HACE1: variants seen among roughly 807,000 people sequenced by gnomAD.
The protein encoded by HACE1 is E3 ubiquitin-protein ligase HACE1.
A neutral mutation model predicts 118.4 loss-of-function variants in HACE1; 73 were observed. The observed-to-expected ratio is 0.62, with a 90% confidence interval of 0.51 to 0.75. The LOEUF is 0.75. HACE1 is among the 30% of genes least tolerant of loss of function. The probability of loss-of-function intolerance (pLI) is 0.00; values close to 1 mark genes in which losing one functional copy is unlikely to be tolerated. For synonymous variants in HACE1, 368 were observed against 374.8 expected, an observed-to-expected ratio of 0.98 and a Z score of 0.21; for missense variants, 749 against 1,102.2, an observed-to-expected ratio of 0.68 and a Z score of 4.54.
chr6:104,752,980 A>T (rs1778221843), intron 19 of HACE1, among the ~76,000 whole-genome samples: 1 of 152,170 alleles, frequency 6.6e-6, no homozygotes, highest in African/African-American at 2.4e-5. Flanking sequence ...ATAAACACTT[A>T]ATTTTTCAGT....
chr6:104,832,980 T>A, intron 6 of HACE1, 62 bp downstream of exon 6: 1 of 1,480,598 alleles, frequency 6.8e-7, no homozygotes, highest in East Asian at 2.3e-5. Flanking sequence ...TGAAAAACTT[T>A]TCATGAAATC....
intron 6 of HACE1, among the ~76,000 whole-genome samples, chr6:104,815,233 G>A (rs1771994559): frequency 7.2e-6 from 1 of 138,098 alleles, no homozygotes; most frequent in African/African-American, 2.9e-5. Flanking sequence ...TGGAGATGAG[G>A]AACTTATTGG....
intron 19 of HACE1, among the ~76,000 whole-genome samples, chr6:104,755,746 C>A (rs576947312): frequency 1.3e-5 from 2 of 152,196 alleles, no homozygotes; most frequent in East Asian, 3.9e-4. Context: ...AACAAAGAGA[C>A]AATGTACCAG....
chr6:104,757,602 A>C (rs1473603440), intron 19 of HACE1, among the ~76,000 whole-genome samples: 1 of 152,214 alleles, frequency 6.6e-6, no homozygotes, highest in African/African-American at 2.4e-5. Context: ...CCAGAGCAGA[A>C]AGGCTGAAAA....
chr6:104,853,932 G>A (rs1399614658), intron 1 of HACE1, among the ~76,000 whole-genome samples: 2 of 152,060 alleles, frequency 1.3e-5, no homozygotes, highest in African/African-American at 2.4e-5. Context: ...GGCACAGTAA[G>A]AGATTAACAA....
At chr6:104,826,145 G>A (rs1773305655) in intron 6 of HACE1, among the ~76,000 whole-genome samples, 1 of 152,172 alleles carries the variant, frequency 6.6e-6, no homozygotes. Context: ...ATCTGAAGTG[G>A]AACAGTTTCA....
rs769454071 is a variant in HACE1 at position 104,729,140 on chromosome 6, T to TA, written c.*521dup. 9.8e-5 allele frequency: 15 copies of TA among 152,796 alleles called. No individual in the cohort carries two copies. Among genetic ancestry groups the TA allele is most frequent in the African/African-American group, 3.6e-4 (15 of 41,448 alleles). The allele number at this position is 152,796 out of a possible 1,614,324, so 9.5% of individuals were successfully genotyped here. A position where few individuals can be genotyped will look rare whatever the true frequency, so the allele number is the denominator to read the frequency against. On this transcript the variant is annotated 3_prime_UTR_variant, in exon 24 of 24. Coordinates refer to ENST00000262903, the MANE Select transcript of HACE1 (RefSeq NM_020771.4). The stretch of plus-strand genomic sequence containing the variant: ...AATATATATTAAAATATTAAAATGC[T>TA]AAAAAAATCATTGCAATATAGAATA...
chr6:104,801,511 G>A (rs536915054), intron 7 of HACE1, among the ~76,000 whole-genome samples: 89 of 152,276 alleles, frequency 5.8e-4, no homozygotes, highest in Non-Finnish European at 4.1e-4. Flanking sequence ...GACTAACAGC[G>A]GATCTCTCGG....
intron 19 of HACE1, among the ~76,000 whole-genome samples, chr6:104,757,704 C>T (rs1181106050): frequency 6.6e-6 from 1 of 152,148 alleles, no homozygotes; most frequent in African/African-American, 2.4e-5. Context: ...GTTTGATGAA[C>T]TGACAGAAGT....
chr6:104,831,604 A>AAGAAT (rs1433127733), intron 6 of HACE1, among the ~76,000 whole-genome samples: 1 of 150,064 alleles, frequency 6.7e-6, no homozygotes, highest in African/African-American at 2.5e-5. Flanking sequence ...AAGAAAAGAA[A>AAGAAT]AGAAAGAGGC....
intron 14 of HACE1, among the ~76,000 whole-genome samples, chr6:104,783,392 T>C (rs1281709309): frequency 1.3e-5 from 2 of 152,222 alleles, no homozygotes; most frequent in Non-Finnish European, 2.9e-5. Flanking sequence ...GGGAAGTAAG[T>C]TTTCTATCTC....
Position 104,850,915 on chromosome 6 carries a change from A to G in HACE1, c.213T>C (p.Ile71=). Residue 71 remains isoleucine, a synonymous_variant, in exon 3 of 24, where the codon ATT becomes ATC. Transcript: ENST00000262903. ...AATATCTTTAGTCTTACTTTGCTGC[A>G]ATGTGAAGCAAGCTTCTTTTCACAC... ...FGRVKRSLLH[I]AANCGSVECL... 6.3e-7 allele frequency: 1 copy of G among 1,591,572 alleles called. No individual in the cohort carries two copies. Among genetic ancestry groups the G allele is most frequent in the Non-Finnish European group, 8.6e-7 (1 of 1,159,338 alleles).
chr6:104,775,148 C>T (rs906640445), intron 17 of HACE1, among the ~76,000 whole-genome samples: 3 of 152,122 alleles, frequency 2.0e-5, no homozygotes, highest in African/African-American at 7.2e-5. Flanking sequence ...TTGAGGCCAG[C>T]CTCGGCAGCA....
At position 104,859,559 on chromosome 6, in the gene HACE1, C is replaced by T; in HGVS notation, c.76+8G>A. On this transcript the variant is annotated splice_region_variant and intron_variant, in intron 1 of 23. Transcript: ENST00000262903. ...CCGCGGCCAGCCTGGCCCCGCGACC[C>T]GGCTCACCCTCGGGCAACTCCACGG... 2 of 1,515,596 alleles carry T rather than the reference C, an allele frequency of 1.3e-6. No homozygotes were observed. Among genetic ancestry groups the T allele is most frequent in the South Asian group, 1.2e-5 (1 of 81,622 alleles). The allele number at this position is 1,515,596 out of a possible 1,614,324, so 93.9% of individuals were successfully genotyped here. A position where few individuals can be genotyped will look rare whatever the true frequency, so the allele number is the denominator to read the frequency against.
At chr6:104,772,104 A>C in intron 17 of HACE1, 30 bp from the exon 18 acceptor site, 1 of 1,232,440 alleles carries the variant, frequency 8.1e-7, no homozygotes, top group Non-Finnish European at 1.2e-6. Flanking sequence ...ATAATATATT[A>C]TTAAGAATCT....
chr6:104,756,699 G>A (rs1256135448), intron 19 of HACE1, among the ~76,000 whole-genome samples: 1 of 152,144 alleles, frequency 6.6e-6, no homozygotes, highest in Non-Finnish European at 1.5e-5. Context: ...TGGTTGGACA[G>A]TGGGTGCAGC....
At chr6:104,840,821 G>C (rs1775040723) in intron 5 of HACE1, among the ~76,000 whole-genome samples, 1 of 152,170 alleles carries the variant, frequency 6.6e-6, no homozygotes, top group South Asian at 2.1e-4. Context: ...AAATTAGCTG[G>C]GCGTGGTGGC....
At chr6:104,757,931 G>A (rs774398691) in intron 19 of HACE1, among the ~76,000 whole-genome samples, 2 of 151,930 alleles carry the variant, frequency 1.3e-5, no homozygotes, top group Admixed American at 6.6e-5. Context: ...TCGATCAAGT[G>A]GAAGAAAGGA....
intron 19 of HACE1, 120 bp from the exon 20 acceptor site, chr6:104,750,592 A>C: frequency 1.1e-6 from 1 of 915,904 alleles, no homozygotes; most frequent in Non-Finnish European, 1.7e-6. Context: ...CAACACTCAT[A>C]CATCTCAGCA....
Sources: allele counts gnomAD v4.1 joint callset (sites outside exome capture counted in the v4.1 genomes callset), GRCh38; gene constraint gnomAD v4.1.1; transcripts MANE v1.5; gene names NCBI Gene and HGNC (gene_info 2026-07-23, HGNC 2026-07-21).